The following AGBL3 variants were observed in gnomAD, a reference collection of about 807,000 sequenced individuals.
AGBL3 encodes the protein AGBL carboxypeptidase 3.
Under a neutral mutation model 94.5 loss-of-function variants are expected in AGBL3, and 68 were observed. The observed-to-expected ratio is 0.72, with a 90% CI of 0.59 to 0.88. The LOEUF (loss-of-function observed/expected upper bound fraction) is 0.88, where lower values mean the gene tolerates loss of function less well. AGBL3 is among the 40% of genes least tolerant of loss of function. AGBL3 has a pLI of 0.00. For missense variants in AGBL3, 934 were observed against 1,103.8 expected (o/e 0.85, Z 2.18); for synonymous variants, 354 against 370.7 (o/e 0.95, Z 0.52).
In AGBL3 at chr7:135,088,918, C is replaced by T. The variant is rs147323411; in HGVS notation, c.2110+7128C>T. On this transcript the variant is annotated intron_variant, in intron 15 of 16. Coordinates refer to ENST00000436302, the MANE Select transcript of AGBL3 (RefSeq NM_178563.4). Reference sequence around the variant, plus strand: ...TGGATCTGGATCTCATATGTCTCCCCGGACTTGGGAAGTTTTCAGCTATTA... The same window carrying T: ...TGGATCTGGATCTCATATGTCTCCCTGGACTTGGGAAGTTTTCAGCTATTA... Among the ~76,000 whole-genome samples the T allele has an allele frequency of 2.0e-4, 30 of 152,260 alleles. 2 individuals carry two copies. Among genetic ancestry groups the T allele is most frequent in the African/African-American group, 4.8e-4 (20 of 41,542 alleles).
intron 4 of AGBL3, among the ~76,000 whole-genome samples, chr7:135,002,460 C>T (rs936531158): frequency 1.3e-5 from 2 of 152,078 alleles, no homozygotes; most frequent in African/African-American, 2.4e-5. Flanking sequence ...ATGGAATGCC[C>T]ACGTGGCTGG....
At chr7:135,134,055 G>T (rs1043232425) in intron 16 of AGBL3, among the ~76,000 whole-genome samples, 4 of 152,072 alleles carry the variant, frequency 2.6e-5, no homozygotes, top group African/African-American at 4.8e-5. Flanking sequence ...ATTAATAATG[G>T]TTGCCAGGAA....
At chr7:135,074,453 G>C (rs1217126041) in intron 12 of AGBL3, among the ~76,000 whole-genome samples, 1 of 151,988 alleles carries the variant, frequency 6.6e-6, no homozygotes, top group Non-Finnish European at 1.5e-5. Context: ...ATGGGTTCTG[G>C]GGACATGAAC....
intron 15 of AGBL3, among the ~76,000 whole-genome samples, chr7:135,082,561 T>C (rs181496872): frequency 8.2e-4 from 94 of 113,998 alleles, no homozygotes; most frequent in African/African-American, 2.3e-3. Flanking sequence ...ATTAATGCAG[T>C]TTAAGATTAT....
At chr7:135,011,778 G>A (rs1210997007) in intron 4 of AGBL3, 1 of 152,144 alleles carries the variant, frequency 6.6e-6, no homozygotes, top group East Asian at 1.9e-4. Flanking sequence ...CTAAGGAATG[G>A]TGAGCATATG....
chr7:135,103,477 C>T (rs544361691), intron 15 of AGBL3, among the ~76,000 whole-genome samples: 1 of 152,224 alleles, frequency 6.6e-6, no homozygotes, highest in South Asian at 2.1e-4. Flanking sequence ...TCTTAATATG[C>T]ATGCTTTTTT....
chr7:135,064,521 C>T (rs1307491627), intron 12 of AGBL3, among the ~76,000 whole-genome samples: 3 of 151,922 alleles, frequency 2.0e-5, no homozygotes, highest in Non-Finnish European at 2.9e-5. Flanking sequence ...TTATAATAAC[C>T]CAGGCAAGAT....
At chr7:135,122,824 C>T (rs1323228126) in intron 16 of AGBL3, among the ~76,000 whole-genome samples, 1 of 152,112 alleles carries the variant, frequency 6.6e-6, no homozygotes, top group African/African-American at 2.4e-5. Context: ...GAAAGAAAAA[C>T]AAATAGAAAG....
At chr7:135,026,703 T>C (rs1361211640) in intron 5 of AGBL3, among the ~76,000 whole-genome samples, 6 of 151,726 alleles carry the variant, frequency 4.0e-5, no homozygotes, top group African/African-American at 1.4e-4. Flanking sequence ...AACTCCCCGT[T>C]TTATTTTCAA....
rs201040922 is a variant in AGBL3, at chr7:135,096,151, C to CA, written c.2110+14373dup. ...TGGGTGACAGAGACAGACTCTCTCT[C>CA]AAAAAAAAAAAATTAATCTTTGACT... On this transcript the variant is annotated intron_variant, in intron 15 of 16. Transcript: ENST00000436302. Among the ~76,000 whole-genome samples the CA allele has an allele frequency of 2.8e-3, 418 of 147,814 alleles. 1 individual carries two copies. Among genetic ancestry groups the CA allele is most frequent in the Middle Eastern group, 7.0e-3 (2 of 286 alleles).
At chr7:135,045,771 A>C in intron 10 of AGBL3, 28 bp from the exon 11 acceptor site, 3 of 1,447,650 alleles carry the variant, frequency 2.1e-6, no homozygotes, top group Non-Finnish European at 2.8e-6. Context: ...GTTATTTCAT[A>C]ATGAGCTCAT....
At chr7:135,080,170 A>T (rs778360253) in intron 13 of AGBL3, 33 bp from the exon 14 acceptor site, 35 of 1,457,186 alleles carry the variant, frequency 2.4e-5, no homozygotes, top group Non-Finnish European at 3.2e-5. Flanking sequence ...TTGATAAAAT[A>T]GCATTGTTTT....
chr7:135,086,738 GGTTT>G (rs1417371554), intron 15 of AGBL3, among the ~76,000 whole-genome samples: 1 of 151,824 alleles, frequency 6.6e-6, no homozygotes. Flanking sequence ...TAGGAGATTT[GGTTT>G]GTTAGTATTT....
At chr7:135,134,326 G>T (rs1328349207) in intron 16 of AGBL3, among the ~76,000 whole-genome samples, 1 of 151,980 alleles carries the variant, frequency 6.6e-6, no homozygotes, top group African/African-American at 2.4e-5. Context: ...GTTAAAAAAT[G>T]GAATGCTAAA....
intron 4 of AGBL3, chr7:134,995,344 A>G (rs1810876015): frequency 6.6e-6 from 1 of 152,210 alleles, no homozygotes; most frequent in East Asian, 1.9e-4. Context: ...CACCTCACCT[A>G]ACTAGAAAAC....
chr7:135,006,046 G>T (rs1346182669), intron 4 of AGBL3, among the ~76,000 whole-genome samples: 1 of 151,606 alleles, frequency 6.6e-6, no homozygotes, highest in Non-Finnish European at 1.5e-5. Flanking sequence ...AGAGTTCTTA[G>T]AATTGACATC....
At chr7:135,025,046 T>G (rs1814938688) in intron 5 of AGBL3, among the ~76,000 whole-genome samples, 1 of 151,558 alleles carries the variant, frequency 6.6e-6, no homozygotes, top group African/African-American at 2.4e-5. Context: ...GGAAAATGTA[T>G]TTTAGGATAT....
At chr7:135,129,682 T>C (rs1164892396) in intron 16 of AGBL3, 38 of 777,852 alleles carry the variant, frequency 4.9e-5, no homozygotes, top group South Asian at 3.9e-4. Flanking sequence ...GAAGATGAGA[T>C]TGAAGACTAG....
At chr7:135,011,547 T>C (rs992984786) in intron 4 of AGBL3, 1 of 152,116 alleles carries the variant, frequency 6.6e-6, no homozygotes, top group Non-Finnish European at 1.5e-5. Flanking sequence ...CATAAAGCAT[T>C]TCTGAAAGTA....
Sources: allele counts gnomAD v4.1 joint callset (sites outside exome capture counted in the v4.1 genomes callset), GRCh38; gene constraint gnomAD v4.1.1; transcripts MANE v1.5; gene names NCBI Gene and HGNC (gene_info 2026-07-23, HGNC 2026-07-21).